The following ZMYM4 variants were observed in gnomAD, a reference collection of about 807,000 sequenced individuals.
ZMYM4 encodes zinc finger MYM-type containing 4, also known as zinc finger MYM-type protein 4.
ZMYM4 carries 31 observed loss-of-function variants against 183.2 expected under a neutral mutation model. The observed-to-expected ratio is 0.17, with a 90% CI of 0.13 to 0.23. The LOEUF is 0.23. Among genes scored for constraint, ZMYM4 ranks in the 10% least tolerant of loss-of-function variants. The pLI, the probability that ZMYM4 is intolerant of heterozygous loss-of-function variation, is 1.00. For missense variants in ZMYM4, 1,273 were observed against 1,840.3 expected, an observed-to-expected ratio of 0.69 and a Z score of 5.64; for synonymous variants, 592 against 631.2, an observed-to-expected ratio of 0.94 and a Z score of 0.93.
chr1:35,405,333 T>G (rs1343447921), intron 24 of ZMYM4, 40 bp from the exon 25 acceptor site: 1 of 1,582,534 alleles, frequency 6.3e-7, no homozygotes, highest in Non-Finnish European at 8.5e-7. Context: ...CGCACTTTTA[T>G]TTTATTTAAA....
intron 1 of ZMYM4, among the ~76,000 whole-genome samples, chr1:35,297,641 T>C (rs1050746303): frequency 6.6e-6 from 1 of 152,220 alleles, no homozygotes; most frequent in African/African-American, 2.4e-5. Flanking sequence ...TTTGTAGCCA[T>C]CATTACTGCT....
chr1:35,309,690 A>G (rs1470199547), intron 1 of ZMYM4, among the ~76,000 whole-genome samples: 3 of 151,962 alleles, frequency 2.0e-5, no homozygotes, highest in Non-Finnish European at 2.9e-5. Context: ...AAAATACTTT[A>G]TGGTGATTGC....
At position 35,370,586 on chromosome 1, in the gene ZMYM4, A is replaced by G; in HGVS notation, c.1140A>G (p.Pro380=). ...LTGYTVPPAR[P]PPPLTKKTCS... Reference sequence around the variant, plus strand: ...GATATACAGTTCCACCTGCCCGCCCACCGCCTCCTCTCACCAAGAAAACTT... The same window carrying G: ...GATATACAGTTCCACCTGCCCGCCCGCCGCCTCCTCTCACCAAGAAAACTT... The change falls in exon 7 of 30, where the codon CCA becomes CCG. Residue 380 remains proline, a synonymous_variant. Coordinates refer to ENST00000314607, the MANE Select transcript of ZMYM4 (RefSeq NM_005095.3). The G allele has an allele frequency of 6.2e-7, 1 of 1,611,600 alleles. No individual in the cohort carries two copies. Among genetic ancestry groups the G allele is most frequent in the South Asian group, 1.1e-5 (1 of 90,816 alleles).
chr1:35,408,975 T>C (rs1206750704), intron 26 of ZMYM4, among the ~76,000 whole-genome samples: 2 of 152,206 alleles, frequency 1.3e-5, no homozygotes, highest in African/African-American at 2.4e-5. Context: ...ATAAATCTGC[T>C]TTCTGTCTCT....
intron 1 of ZMYM4, among the ~76,000 whole-genome samples, chr1:35,276,475 CTG>C (rs1271423913): frequency 6.6e-6 from 1 of 152,110 alleles, no homozygotes; most frequent in Non-Finnish European, 1.5e-5. Flanking sequence ...TTAATCCAGT[CTG>C]TGTTCAGACT....
chr1:35,284,897 G>T (rs146174328), intron 1 of ZMYM4, among the ~76,000 whole-genome samples: 2 of 152,186 alleles, frequency 1.3e-5, no homozygotes, highest in African/African-American at 4.8e-5. Context: ...ACCTTTTAAA[G>T]TCCCCCTCTC....
chr1:35,407,625 C>G (rs1033074417), intron 25 of ZMYM4, among the ~76,000 whole-genome samples: 7 of 152,158 alleles, frequency 4.6e-5, no homozygotes, highest in African/African-American at 1.7e-4. Context: ...GTGGACTCTA[C>G]TTTGGGAAGC....
chr1:35,303,038 G>A (rs1447278581), intron 1 of ZMYM4, among the ~76,000 whole-genome samples: 1 of 151,158 alleles, frequency 6.6e-6, no homozygotes, highest in Non-Finnish European at 1.5e-5. Flanking sequence ...TCCACCAGAG[G>A]TTGAGGTGGG....
chr1:35,406,123 C>G (rs1354369205), intron 25 of ZMYM4, among the ~76,000 whole-genome samples: 2 of 152,168 alleles, frequency 1.3e-5, no homozygotes, highest in African/African-American at 4.8e-5. Flanking sequence ...ACTATATCTT[C>G]TTTCTGTCTT....
In ZMYM4 at chr1:35,419,830, G is replaced by A; in HGVS notation, c.*153G>A. On this transcript the variant is annotated 3_prime_UTR_variant, in exon 30 of 30. Coordinates refer to ENST00000314607, the MANE Select transcript of ZMYM4 (RefSeq NM_005095.3). ...GACTTGTGAACCCCACAGTGTGGAT[G>A]TGCAAATGAAAATTGAAGGAAAGAA... is the stretch of plus-strand genomic sequence containing the variant. 1 of 712,558 alleles carries A rather than the reference G, an allele frequency of 1.4e-6. No individual in the cohort carries two copies. The highest frequency in any genetic ancestry group is 2.3e-6 in the Non-Finnish European group (1 of 433,882). 44.1% of individuals were successfully genotyped at this position (712,558 alleles called of 1,614,324 possible). A position where few individuals can be genotyped will look rare whatever the true frequency, so the allele number is the denominator to read the frequency against.
Position 35,387,296 on chromosome 1 carries a change from CA to C in ZMYM4, c.2112+19del. The C allele has an allele frequency of 1.2e-6, 2 of 1,608,502 alleles. No individual in the cohort carries two copies. The highest frequency in any genetic ancestry group is 1.7e-6 in the Non-Finnish European group (2 of 1,175,534). ...ACTATAAGGTAAAGTATAGCATGTT[CA>C]TGATAAGATTTTGAGTATACGTGGG... On this transcript the variant is annotated intron_variant, in intron 12 of 29. Coordinates refer to ENST00000314607, the MANE Select transcript of ZMYM4 (RefSeq NM_005095.3).
At chr1:35,274,538 C>A (rs557604601) in intron 1 of ZMYM4, among the ~76,000 whole-genome samples, 2 of 148,852 alleles carry the variant, frequency 1.3e-5, no homozygotes, top group South Asian at 4.2e-4. Context: ...CCTAGGATTT[C>A]GAGATTGCAT....
chr1:35,396,803 AT>A, intron 19 of ZMYM4, 133 bp downstream of exon 19: 1 of 1,036,824 alleles, frequency 9.6e-7, no homozygotes, highest in Non-Finnish European at 1.3e-6. Flanking sequence ...TCATATTCCC[AT>A]TATTACTTAA....
intron 1 of ZMYM4, among the ~76,000 whole-genome samples, chr1:35,279,445 A>G (rs1264762601): frequency 1.3e-5 from 2 of 152,166 alleles, no homozygotes; most frequent in African/African-American, 2.4e-5. Context: ...GATGGGATCC[A>G]TGAGTCACAC....
intron 5 of ZMYM4, among the ~76,000 whole-genome samples, chr1:35,365,104 G>A (rs185189476): frequency 2.0e-5 from 3 of 151,914 alleles, no homozygotes; most frequent in Admixed American, 2.0e-4. Context: ...TGCTTAATTC[G>A]CCTAACAACC....
chr1:35,400,186 T>C (rs1441023615), intron 23 of ZMYM4: 1 of 144,182 alleles, frequency 6.9e-6, no homozygotes, highest in Admixed American at 7.0e-5. Context: ...TAAAAAATAC[T>C]GAGTAGTTCA....
intron 2 of ZMYM4, among the ~76,000 whole-genome samples, chr1:35,333,346 C>T (rs917701024): frequency 6.6e-6 from 1 of 151,666 alleles, no homozygotes; most frequent in Admixed American, 6.6e-5. Context: ...TAGCTTCCGC[C>T]TCCTGGGCTC....
At chr1:35,336,299 A>AC (rs1358094013) in intron 2 of ZMYM4, among the ~76,000 whole-genome samples, 6 of 151,970 alleles carry the variant, frequency 3.9e-5, no homozygotes, top group Admixed American at 3.9e-4. Flanking sequence ...TAAAAATGAT[A>AC]CTTTAGTGTA....
In ZMYM4 at chr1:35,419,984, A is replaced by G. The variant is rs1171342889; in HGVS notation, c.*307A>G. 5.6e-6 allele frequency: 2 copies of G among 359,758 alleles called. No individual in the cohort carries two copies. The highest frequency in any genetic ancestry group is 2.1e-5 in the African/African-American group (1 of 47,620). 22.3% of individuals were successfully genotyped at this position (359,758 alleles called of 1,614,324 possible). On this transcript the variant is annotated 3_prime_UTR_variant, in exon 30 of 30. Transcript: ENST00000314607. ...AAATCGTGGAATATTTTTAAGGAAA[A>G]CTGTTGTATAAAACTTTACCATAGT...
Sources: allele counts gnomAD v4.1 joint callset (sites outside exome capture counted in the v4.1 genomes callset), GRCh38; gene constraint gnomAD v4.1.1; transcripts MANE v1.5; gene names NCBI Gene and HGNC (gene_info 2026-07-23, HGNC 2026-07-21).